Variants in LUZP2 observed in about 807,000 individuals in gnomAD.
The protein encoded by LUZP2 is leucine zipper protein 2.
Under a neutral mutation model 51.6 loss-of-function variants are expected in LUZP2, and 52 were observed. The ratio of observed to expected loss-of-function variants is 1.01; its 90% CI spans 0.81 to 1.27. LUZP2 has a LOEUF of 1.27. Ranked by LOEUF, LUZP2 falls within the 50% of genes most tolerant of loss-of-function variation. LUZP2 has a pLI of 0.00. For synonymous variants in LUZP2, 154 were observed against 137.3 expected (o/e 1.12, Z -0.85); for missense variants, 436 against 395.4 (o/e 1.10, Z -0.87).
intron 4 of LUZP2, among the ~76,000 whole-genome samples, chr11:24,754,929 T>G (rs1370116184): frequency 6.6e-6 from 1 of 152,130 alleles, no homozygotes; most frequent in Non-Finnish European, 1.5e-5. Flanking sequence ...GTGGATCGCC[T>G]GAGGTCAGGA....
chr11:24,959,568 A>G (rs980114270), intron 7 of LUZP2, among the ~76,000 whole-genome samples: 7 of 152,154 alleles, frequency 4.6e-5, no homozygotes, highest in Non-Finnish European at 1.0e-4. Flanking sequence ...TTATTGGTGT[A>G]TAAGAATGCT....
At chr11:24,711,391 A>G (rs1439453809) in intron 1 of LUZP2, among the ~76,000 whole-genome samples, 2 of 152,080 alleles carry the variant, frequency 1.3e-5, no homozygotes, top group African/African-American at 4.8e-5. Flanking sequence ...CGGAGCTTGC[A>G]GTGAGCCGAG....
At chr11:24,920,509 T>C (rs1170951795) in intron 7 of LUZP2, among the ~76,000 whole-genome samples, 1 of 152,074 alleles carries the variant, frequency 6.6e-6, no homozygotes, top group Non-Finnish European at 1.5e-5. Flanking sequence ...ATCACAGTAC[T>C]ATTCACAGTA....
At chr11:24,602,307 TAC>T (rs1399218784) in intron 1 of LUZP2, among the ~76,000 whole-genome samples, 3 of 146,818 alleles carry the variant, frequency 2.0e-5, no homozygotes, top group African/African-American at 5.0e-5. Flanking sequence ...CATACATATA[TAC>T]ACACATATAT....
chr11:25,073,040 A>C (rs1212482894), intron 10 of LUZP2, among the ~76,000 whole-genome samples: 1 of 152,174 alleles, frequency 6.6e-6, no homozygotes, highest in East Asian at 1.9e-4. Flanking sequence ...TTTTATACAC[A>C]CTTTAAAAAG....
chr11:24,741,145 T>G (rs1354094483), intron 4 of LUZP2, among the ~76,000 whole-genome samples: 1 of 152,080 alleles, frequency 6.6e-6, no homozygotes, highest in African/African-American at 2.4e-5. Context: ...AAAATAATTT[T>G]GTTTTGCAAT....
intron 10 of LUZP2, among the ~76,000 whole-genome samples, chr11:25,051,889 G>A (rs1049463690): frequency 6.6e-6 from 1 of 152,096 alleles, no homozygotes; most frequent in East Asian, 1.9e-4. Flanking sequence ...TCTTATTGAA[G>A]CCTCCTTCAA....
At chr11:24,681,109 G>A (rs796831740) in intron 1 of LUZP2, among the ~76,000 whole-genome samples, 7 of 152,034 alleles carry the variant, frequency 4.6e-5, no homozygotes, top group African/African-American at 1.7e-4. Flanking sequence ...AGCCTCCCGA[G>A]TAGTTGGGAC....
At chr11:24,753,189 A>C (rs1859655842) in intron 4 of LUZP2, among the ~76,000 whole-genome samples, 1 of 152,188 alleles carries the variant, frequency 6.6e-6, no homozygotes, top group Non-Finnish European at 1.5e-5. Context: ...AGAATATCTT[A>C]AAAATACAAT....
chr11:24,920,794 G>C (rs1053699047), intron 7 of LUZP2, among the ~76,000 whole-genome samples: 1 of 151,974 alleles, frequency 6.6e-6, no homozygotes, highest in Non-Finnish European at 1.5e-5. Context: ...ACTCAGAAGG[G>C]TTGTGGGGAA....
At chr11:24,945,517 G>GT (rs5790446) in intron 7 of LUZP2, among the ~76,000 whole-genome samples, 1,740 of 140,512 alleles carry the variant, frequency 0.012, 8 homozygotes, top group Non-Finnish European at 0.016. Context: ...AAATTTGCCT[G>GT]TTTTTTTTTT....
At chr11:24,576,272 G>A (rs1332403014) in intron 1 of LUZP2, among the ~76,000 whole-genome samples, 2 of 151,850 alleles carry the variant, frequency 1.3e-5, no homozygotes, top group African/African-American at 4.8e-5. Flanking sequence ...AATTAGCCAG[G>A]CATGATGGCA....
At chr11:24,863,018 C>T (rs188079623) in intron 5 of LUZP2, among the ~76,000 whole-genome samples, 116 of 152,174 alleles carry the variant, frequency 7.6e-4, no homozygotes, top group African/African-American at 2.7e-3. Flanking sequence ...TTTACACTCA[C>T]AGGGAGAGCT....
intron 9 of LUZP2, among the ~76,000 whole-genome samples, chr11:24,988,713 T>C (rs10834565): frequency 0.39 from 59,065 of 151,890 alleles, 13,784 homozygotes; most frequent in East Asian, 0.68. Context: ...TAAACTTGAA[T>C]ATGTTTTTCC....
intron 6 of LUZP2, among the ~76,000 whole-genome samples, chr11:24,911,627 A>C (rs1853640188): frequency 1.3e-5 from 2 of 152,104 alleles, no homozygotes. Flanking sequence ...GCCATGCAGA[A>C]CTCGGAGTCA....
chr11:24,574,612 A>G (rs559831969), intron 1 of LUZP2, among the ~76,000 whole-genome samples: 7 of 152,148 alleles, frequency 4.6e-5, no homozygotes, highest in African/African-American at 1.7e-4. Flanking sequence ...AACTCCCTCT[A>G]AAACAAAAGA....
chr11:25,078,975 A>G lies in LUZP2; in HGVS notation c.*317A>G, dbSNP rs1163558684. On this transcript the variant is annotated 3_prime_UTR_variant, in exon 12 of 12. Transcript: ENST00000336930. ...GTTCATTTGGATATCTAGTACTTCT[A>G]TGATATAGTTGTCAAAATCAACTGG... is the stretch of plus-strand genomic sequence containing the variant. 2 of 205,934 alleles carry G rather than the reference A, an allele frequency of 9.7e-6. No homozygotes were observed. Among genetic ancestry groups the G allele is most frequent in the Non-Finnish European group, 1.9e-5 (2 of 104,378 alleles). The allele number at this position is 205,934 out of a possible 1,614,324, so 12.8% of individuals were successfully genotyped here. A position where few individuals can be genotyped will look rare whatever the true frequency, so the allele number is the denominator to read the frequency against.
At chr11:24,927,598 A>T (rs889533951) in intron 7 of LUZP2, among the ~76,000 whole-genome samples, 3 of 152,110 alleles carry the variant, frequency 2.0e-5, no homozygotes, top group Non-Finnish European at 4.4e-5. Flanking sequence ...ATTGGTCTAT[A>T]TAACTATTTT....
chr11:25,025,493 A>G (rs1187236847), intron 9 of LUZP2, among the ~76,000 whole-genome samples: 1 of 152,238 alleles, frequency 6.6e-6, no homozygotes, highest in Non-Finnish European at 1.5e-5. Flanking sequence ...AAGGATATGA[A>G]CAGACACTTC....
Sources: gnomAD v4.1 joint callset for allele counts (sites outside exome capture counted in the v4.1 genomes callset) on GRCh38, gnomAD v4.1.1 for gene constraint, MANE v1.5 for transcripts, NCBI Gene and HGNC (gene_info 2026-07-23, HGNC 2026-07-21) for gene names.